PPFIBP2: variants seen among roughly 807,000 people sequenced by gnomAD.
PPFIBP2 encodes liprin-beta-2.
A neutral mutation model predicts 118.3 loss-of-function variants in PPFIBP2; 118 were observed. The observed-to-expected ratio is 1.00, with a 90% confidence interval of 0.86 to 1.16. The LOEUF (loss-of-function observed/expected upper bound fraction) is 1.16, where lower values mean the gene tolerates loss of function less well. Ranked by LOEUF, PPFIBP2 falls within the 50% of genes most tolerant of loss-of-function variation. PPFIBP2 has a pLI of 0.00. For missense variants in PPFIBP2, 1,195 were observed against 1,073.1 expected (o/e 1.11, Z -1.59); for synonymous variants, 414 against 397.4 (o/e 1.04, Z -0.50).
At chr11:7,549,678 G>C in intron 2 of PPFIBP2, 139 bp downstream of exon 2, 1 of 876,700 alleles carries the variant, frequency 1.1e-6, no homozygotes. Context: ...GTGTTATTGT[G>C]TATGTAATCT....
intron 16 of PPFIBP2, 80 bp downstream of exon 16, chr11:7,641,700 G>T: frequency 2.9e-6 from 4 of 1,382,320 alleles, no homozygotes; most frequent in Non-Finnish European, 4.0e-6. Flanking sequence ...GTAAGCCCCT[G>T]GTCCAATAGA....
intron 6 of PPFIBP2, among the ~76,000 whole-genome samples, chr11:7,611,351 A>T (rs932202109): frequency 7.9e-5 from 12 of 152,108 alleles, no homozygotes; most frequent in Non-Finnish European, 1.2e-4. Flanking sequence ...TCCTTCCTTC[A>T]TTTAGGCTAA....
intron 6 of PPFIBP2, among the ~76,000 whole-genome samples, chr11:7,612,984 C>T (rs1490667796): frequency 6.6e-6 from 1 of 152,188 alleles, no homozygotes; most frequent in Non-Finnish European, 1.5e-5. Context: ...GTTGTAATTG[C>T]ATGAATAAAG....
Position 7,629,440 on chromosome 11 carries a change from T to G in PPFIBP2, c.889-19T>G, listed in dbSNP as rs747281591. ...TGCCAGCATAGCATTAATCTAAATC[T>G]CTACTTGCACTATGGCAGGACCGTC... On this transcript the variant is annotated intron_variant, in intron 9 of 23. Transcript: ENST00000299492. The G allele has an allele frequency of 1.9e-6, 3 of 1,611,270 alleles. No individual in the cohort carries two copies. Among genetic ancestry groups the G allele is most frequent in the Non-Finnish European group, 1.7e-6 (2 of 1,177,450 alleles).
chr11:7,649,859 C>T (rs766967672), intron 21 of PPFIBP2, among the ~76,000 whole-genome samples: 6 of 152,210 alleles, frequency 3.9e-5, no homozygotes, highest in Non-Finnish European at 8.8e-5. Flanking sequence ...CCTCTAAGCT[C>T]CCACCCTCCA....
chr11:7,665,620 CCACCCTCAGCCAGGGAGGA>C, the PPFIBP2 span: 2 of 1,448,878 alleles, frequency 1.4e-6, no homozygotes, highest in Admixed American at 4.5e-5. Context: ...GCCTGCACAC[CCACCCTCAGCCAGGGAGGA>C]GGTGACAAGC....
chr11:7,651,911 G>C, intron 23 of PPFIBP2, 67 bp downstream of exon 23: 1 of 1,421,444 alleles, frequency 7.0e-7, no homozygotes, highest in Non-Finnish European at 9.6e-7. Flanking sequence ...CACAGCACCT[G>C]GCGCGATGCC....
At position 7,606,183 on chromosome 11, in the gene PPFIBP2, G is replaced by T. The variant is rs559033491; in HGVS notation, c.487-4108G>T. On this transcript the variant is annotated intron_variant, in intron 5 of 23. Coordinates refer to ENST00000299492, the MANE Select transcript of PPFIBP2 (RefSeq NM_003621.5). ...CTTGGAAGCAGCCCTGGAATAGGGAGCACAGTGTTCTATAAGTTGGGTTGG... is the reference window on the plus strand; with the variant it reads ...CTTGGAAGCAGCCCTGGAATAGGGATCACAGTGTTCTATAAGTTGGGTTGG... Among the ~76,000 whole-genome samples the T allele has an allele frequency of 4.8e-4, 73 of 152,354 alleles. 1 individual carries two copies. In the Middle Eastern group the frequency reaches 0.017, roughly 35 times the overall value.
chr11:7,656,241 G>C (rs1054319831), downstream of PPFIBP2, among the ~76,000 whole-genome samples: 1 of 152,180 alleles, frequency 6.6e-6, no homozygotes, highest in Non-Finnish European at 1.5e-5. Flanking sequence ...TTAGTTCTTG[G>C]ACATTCCATC....
intron 5 of PPFIBP2, among the ~76,000 whole-genome samples, chr11:7,599,328 G>A (rs1008952165): frequency 1.6e-4 from 24 of 152,132 alleles, no homozygotes; most frequent in East Asian, 5.8e-4. Flanking sequence ...ATTTGAATAC[G>A]GAAGGGAACG....
chr11:7,653,802 G>C, downstream of PPFIBP2: 5 of 1,195,300 alleles, frequency 4.2e-6, no homozygotes, highest in Non-Finnish European at 5.3e-6. Flanking sequence ...AAAAAGAGCT[G>C]AGGGTAGCTG....
chr11:7,632,623 GA>G (rs1164480049), intron 11 of PPFIBP2: 2 of 431,880 alleles, frequency 4.6e-6, no homozygotes, highest in Non-Finnish European at 4.3e-6. Flanking sequence ...GTACTACTGG[GA>G]TATGAACATG....
intron 2 of PPFIBP2, among the ~76,000 whole-genome samples, chr11:7,550,630 C>G (rs1038574894): frequency 4.6e-5 from 7 of 152,158 alleles, no homozygotes; most frequent in Non-Finnish European, 4.4e-5. Flanking sequence ...AATCCATAGA[C>G]TGGGATGTCG....
chr11:7,529,105 G>T (rs548058473), intron 1 of PPFIBP2, among the ~76,000 whole-genome samples: 1 of 151,972 alleles, frequency 6.6e-6, no homozygotes, highest in Non-Finnish European at 1.5e-5. Context: ...GGAAGAAGTT[G>T]GGGGAGCATC....
chr11:7,575,133 C>G (rs988875482), intron 3 of PPFIBP2, among the ~76,000 whole-genome samples: 1 of 152,174 alleles, frequency 6.6e-6, no homozygotes, highest in Non-Finnish European at 1.5e-5. Flanking sequence ...CTTTCCTTCA[C>G]ATAGAATTTT....
chr11:7,549,672 TATTGTGTATGTAATCTC>T, intron 2 of PPFIBP2, 133 bp downstream of exon 2: 1 of 926,486 alleles, frequency 1.1e-6, no homozygotes. Context: ...TCAGTGGTGT[TATTGTGTATGTAATCTC>T]TTTTTTTTCT....
At chr11:7,565,021 GA>G (rs574860860) in intron 2 of PPFIBP2, among the ~76,000 whole-genome samples, 1,946 of 151,112 alleles carry the variant, frequency 0.013, 67 homozygotes, top group African/African-American at 0.045. Context: ...TTAATATAAA[GA>G]AAAAAATTCT....
intron 1 of PPFIBP2, among the ~76,000 whole-genome samples, chr11:7,529,773 A>G (rs920166782): frequency 1.3e-5 from 2 of 152,154 alleles, no homozygotes; most frequent in Non-Finnish European, 2.9e-5. Context: ...CGGCCTGTTC[A>G]CTGTTCCTAA....
intron 6 of PPFIBP2, among the ~76,000 whole-genome samples, chr11:7,614,463 A>G (rs1218080821): frequency 2.0e-5 from 3 of 152,136 alleles, no homozygotes; most frequent in African/African-American, 7.2e-5. Context: ...ATTCATATCT[A>G]TGTCTGCATA....
Sources: allele counts gnomAD v4.1 joint callset (sites outside exome capture counted in the v4.1 genomes callset), GRCh38; gene constraint gnomAD v4.1.1; transcripts MANE v1.5; gene names NCBI Gene and HGNC (gene_info 2026-07-23, HGNC 2026-07-21).